The following MEF2A variants were observed in gnomAD, a reference collection of about 807,000 sequenced individuals.
The protein encoded by MEF2A is myocyte enhancer factor 2A.
MEF2A carries 28 observed loss-of-function variants against 55.8 expected under a neutral mutation model. The ratio of observed to expected loss-of-function variants is 0.50; its 90% CI spans 0.37 to 0.69. The LOEUF (loss-of-function observed/expected upper bound fraction) is 0.69, where lower values mean the gene tolerates loss of function less well. MEF2A is among the 30% of genes least tolerant of loss of function. The pLI, the probability that MEF2A is intolerant of heterozygous loss-of-function variation, is 0.00. For missense variants in MEF2A, 528 were observed against 626.2 expected (o/e 0.84, Z 1.67); for synonymous variants, 239 against 227.1 (o/e 1.05, Z -0.47).
intron 1 of MEF2A, among the ~76,000 whole-genome samples, chr15:99,596,976 C>T (rs1971397763): frequency 6.6e-6 from 1 of 152,208 alleles, no homozygotes; most frequent in South Asian, 2.1e-4. Context: ...ACTTCAGTCT[C>T]TTAATCCTGT....
In MEF2A at chr15:99,699,540, C is replaced by G. The variant is rs544681828; in HGVS notation, c.859-3822C>G. Among the ~76,000 whole-genome samples, 5 of 152,224 alleles carry G rather than the reference C, an allele frequency of 3.3e-5. No homozygotes were observed. In the East Asian group the frequency reaches 9.6e-4, roughly 29 times the overall value. On this transcript the variant is annotated intron_variant, in intron 8 of 11. Coordinates refer to ENST00000557942, the MANE Select transcript of MEF2A (RefSeq NM_001319206.4). ...TACAAAGAGTGACTTTTACTAAATGCAATTTAGTAAAAAAAGATTCCGGGG... is the reference window on the plus strand; with the variant it reads ...TACAAAGAGTGACTTTTACTAAATGGAATTTAGTAAAAAAAGATTCCGGGG...
chr15:99,710,682 C>A lies in MEF2A; in HGVS notation c.1058C>A (p.Ser353Ter). 1 of 1,613,704 alleles carries A rather than the reference C, an allele frequency of 6.2e-7. No individual in the cohort carries two copies. The highest frequency in any genetic ancestry group is 8.5e-7 in the Non-Finnish European group (1 of 1,179,600). Residue 353 changes from serine to a stop codon, truncating the protein, a stop_gained, in exon 11 of 12, where the codon TCG (serine) becomes TAG (stop). Coordinates refer to ENST00000557942, the MANE Select transcript of MEF2A (RefSeq NM_001319206.4). LOFTEE classifies it high-confidence loss of function. ...CTGTCAGCCCTTCAAGGCTTCAACTCGCCAGGAATGCTGTCGCTGGGACAG... is the reference window on the plus strand; with the variant it reads ...CTGTCAGCCCTTCAAGGCTTCAACTAGCCAGGAATGCTGTCGCTGGGACAG... ...ADLSALQGFNSPGMLSLGQVS... is the reference protein window; with the variant it reads ...ADLSALQGFN
chr15:99,663,536 CTT>C (rs1018188837), intron 4 of MEF2A, among the ~76,000 whole-genome samples: 4 of 151,486 alleles, frequency 2.6e-5, no homozygotes, highest in African/African-American at 9.7e-5. Context: ...GTATATAAAA[CTT>C]TTTATATTTT....
intron 2 of MEF2A, among the ~76,000 whole-genome samples, chr15:99,604,387 A>G (rs1014448660): frequency 3.9e-5 from 6 of 152,018 alleles, no homozygotes; most frequent in African/African-American, 1.4e-4. Context: ...CCATGCCTTC[A>G]AGTTCACTGA....
chr15:99,681,468 A>G (rs1027376882), intron 7 of MEF2A, among the ~76,000 whole-genome samples: 1 of 152,238 alleles, frequency 6.6e-6, no homozygotes, highest in African/African-American at 2.4e-5. Context: ...AAGATAAAGC[A>G]GAAACCCAGT....
At chr15:99,593,166 T>C (rs1969932591) in intron 1 of MEF2A, among the ~76,000 whole-genome samples, 3 of 152,158 alleles carry the variant, frequency 2.0e-5, no homozygotes, top group Non-Finnish European at 4.4e-5. Flanking sequence ...CTCTCCTGAG[T>C]ACCATCCTTT....
chr15:99,619,163 A>G (rs1431491972), intron 2 of MEF2A, among the ~76,000 whole-genome samples: 4 of 152,182 alleles, frequency 2.6e-5, no homozygotes, highest in African/African-American at 9.7e-5. Context: ...GGCAGCAGTG[A>G]GATGAGGATT....
chr15:99,591,876 T>C (rs530271888), intron 1 of MEF2A, among the ~76,000 whole-genome samples: 2 of 152,318 alleles, frequency 1.3e-5, no homozygotes, highest in South Asian at 4.1e-4. Context: ...AAAAAATCGT[T>C]TAATATATTT....
intron 4 of MEF2A, among the ~76,000 whole-genome samples, chr15:99,657,812 A>G (rs546543133): frequency 6.6e-6 from 1 of 152,256 alleles, no homozygotes; most frequent in African/African-American, 2.4e-5. Context: ...TACTGAGCAG[A>G]TAGGGGAAAG....
intron 8 of MEF2A, among the ~76,000 whole-genome samples, chr15:99,699,907 G>A (rs1322134480): frequency 6.6e-6 from 1 of 151,780 alleles, no homozygotes; most frequent in African/African-American, 2.4e-5. Context: ...TCTAGAATGA[G>A]CCTGTGTTTC....
chr15:99,574,282 G>A (rs917834300), intron 1 of MEF2A, among the ~76,000 whole-genome samples: 8 of 152,164 alleles, frequency 5.3e-5, no homozygotes, highest in Non-Finnish European at 1.2e-4. Flanking sequence ...GCCTAGAGCA[G>A]CTATTACCAG....
At position 99,596,502 on chromosome 15, in the gene MEF2A, G is replaced by A. The variant is rs555008956; in HGVS notation, c.-224-1928G>A. 7.0e-4 allele frequency among the ~76,000 whole-genome samples: 106 copies of A among 151,890 alleles called. 1 individual carries two copies. Among genetic ancestry groups the A allele is most frequent in the Admixed American group, 1.4e-3 (21 of 15,252 alleles). On this transcript the variant is annotated intron_variant, in intron 1 of 11. Transcript: ENST00000557942. ...ATACTTGGCAGTTTGTGTTTTTCCCGCCCCCAGAGGAGGTGTCCGTTTCCA... is the reference window on the plus strand; with the variant it reads ...ATACTTGGCAGTTTGTGTTTTTCCCACCCCCAGAGGAGGTGTCCGTTTCCA...
chr15:99,572,698 T>A (rs1404503198), intron 1 of MEF2A, among the ~76,000 whole-genome samples: 3 of 152,240 alleles, frequency 2.0e-5, no homozygotes, highest in Non-Finnish European at 4.4e-5. Context: ...ACTTATCCTT[T>A]AAGTCTTAGC....
rs1379215683 is a variant in MEF2A, at chr15:99,596,622, G to A, written c.-224-1808G>A. ...GGATAAATTACCATTTTCATTTGAT[G>A]AAATGGATTTACTTGGGGATTGGTT... On this transcript the variant is annotated intron_variant, in intron 1 of 11. Coordinates refer to ENST00000557942, the MANE Select transcript of MEF2A (RefSeq NM_001319206.4). Among the ~76,000 whole-genome samples, 5 of 152,278 alleles carry A rather than the reference G, an allele frequency of 3.3e-5. No homozygotes were observed. The South Asian group carries it at 1.0e-3, about 32-fold the overall frequency.
At chr15:99,598,977 A>G (rs956156233) in intron 2 of MEF2A, among the ~76,000 whole-genome samples, 15 of 152,146 alleles carry the variant, frequency 9.9e-5, no homozygotes, top group Non-Finnish European at 2.1e-4. Flanking sequence ...AGCAAATTTT[A>G]GGGGATCTTT....
rs866802554 is a variant in MEF2A, at chr15:99,671,248, C to T, written c.259-75C>T. 54 of 1,522,112 alleles carry T rather than the reference C, an allele frequency of 3.5e-5. No individual in the cohort carries two copies. The African/African-American group carries it at 5.6e-4, about 16-fold the overall frequency. 94.3% of individuals were successfully genotyped at this position (1,522,112 alleles called of 1,614,324 possible). A position where few individuals can be genotyped will look rare whatever the true frequency, so the allele number is the denominator to read the frequency against. On this transcript the variant is annotated intron_variant, in intron 4 of 11. Coordinates refer to ENST00000557942, the MANE Select transcript of MEF2A (RefSeq NM_001319206.4). ...TAATTCAGTTCATTCCGTCTGTGCT[C>T]TCTTAATAAATTTTACAGAAAAACT...
At chr15:99,601,811 G>A (rs1317406737) in intron 2 of MEF2A, among the ~76,000 whole-genome samples, 1 of 4,508 alleles carries the variant, frequency 2.2e-4, no homozygotes, top group Non-Finnish European at 6.6e-3. Context: ...TCTGTTTTGT[G>A]TGTGTGTGTG....
In MEF2A at chr15:99,606,615, G is replaced by A. The variant is rs771659971; in HGVS notation, c.-143+8104G>A. Reference sequence around the variant, plus strand: ...AAAGAAATTCAGATATTTAAGAAACGTGGAAAAAAAAGTGCTTAACCTTAT... The same window carrying A: ...AAAGAAATTCAGATATTTAAGAAACATGGAAAAAAAAGTGCTTAACCTTAT... On this transcript the variant is annotated intron_variant, in intron 2 of 11. Coordinates refer to ENST00000557942, the MANE Select transcript of MEF2A (RefSeq NM_001319206.4). Among the ~76,000 whole-genome samples, 44 of 151,956 alleles carry A rather than the reference G, an allele frequency of 2.9e-4. 1 individual carries two copies. The highest frequency in any genetic ancestry group is 1.9e-4 in the Non-Finnish European group (13 of 67,976).
chr15:99,689,192 A>G (rs1462184010), intron 7 of MEF2A, among the ~76,000 whole-genome samples: 2 of 152,248 alleles, frequency 1.3e-5, no homozygotes, highest in African/African-American at 2.4e-5. Flanking sequence ...TTAAAGTGAG[A>G]TAAATCAGAA....
Sources: gnomAD v4.1 joint callset for allele counts (sites outside exome capture counted in the v4.1 genomes callset) on GRCh38, gnomAD v4.1.1 for gene constraint, MANE v1.5 for transcripts, NCBI Gene and HGNC (gene_info 2026-07-23, HGNC 2026-07-21) for gene names.